The following STIM2 variants were observed in gnomAD, a reference collection of about 807,000 sequenced individuals.
STIM2 encodes stromal interaction molecule 2.
In STIM2, 31 loss-of-function variants were observed where a neutral mutation model predicts 85.8. That is an observed-to-expected ratio of 0.36 (90% CI 0.27 to 0.49). The LOEUF (loss-of-function observed/expected upper bound fraction) is 0.49. Ranked by LOEUF, STIM2 falls within the 20% of genes least tolerant of loss-of-function variation. The probability of loss-of-function intolerance (pLI) is 0.98; values close to 1 mark genes in which losing one functional copy is unlikely to be tolerated. For synonymous variants in STIM2, 356 were observed against 331.1 expected (o/e 1.08, Z -0.82); for missense variants, 841 against 927.6 (o/e 0.91, Z 1.21).
chr4:26,962,989 A>G (rs1726542533), intron 3 of STIM2, among the ~76,000 whole-genome samples: 2 of 152,174 alleles, frequency 1.3e-5, no homozygotes, highest in African/African-American at 2.4e-5. Flanking sequence ...TACAAATTGA[A>G]TAGACATTTG....
chr4:26,939,946 A>G (rs1171537366), intron 2 of STIM2, among the ~76,000 whole-genome samples: 2 of 152,200 alleles, frequency 1.3e-5, no homozygotes, highest in Admixed American at 6.5e-5. Context: ...ACGATGTCCT[A>G]GTAATACACA....
intron 2 of STIM2, among the ~76,000 whole-genome samples, chr4:26,952,832 T>C (rs115985137): frequency 0.013 from 2,006 of 152,244 alleles, 51 homozygotes; most frequent in African/African-American, 0.047. Flanking sequence ...TAGAATTCTT[T>C]AAAACTTACT....
At chr4:27,019,891 AT>A (rs1728856589) in intron 11 of STIM2, among the ~76,000 whole-genome samples, 1 of 152,252 alleles carries the variant, frequency 6.6e-6, no homozygotes, top group Non-Finnish European at 1.5e-5. Flanking sequence ...AGAAAATAAA[AT>A]TTGAACTTGT....
At chr4:26,978,847 A>G (rs1727287173) in intron 3 of STIM2, among the ~76,000 whole-genome samples, 1 of 152,092 alleles carries the variant, frequency 6.6e-6, no homozygotes, top group Non-Finnish European at 1.5e-5. Context: ...GTAGAAGAAA[A>G]CCTTGAAAGG....
chr4:26,915,427 G>GT (rs1356408725), intron 1 of STIM2, among the ~76,000 whole-genome samples: 12 of 152,022 alleles, frequency 7.9e-5, no homozygotes, highest in Non-Finnish European at 1.5e-4. Context: ...TAGGGATAGG[G>GT]TTTTGCCATG....
At chr4:26,910,629 C>T (rs1368701954) in intron 1 of STIM2, among the ~76,000 whole-genome samples, 6 of 152,112 alleles carry the variant, frequency 3.9e-5, no homozygotes, top group South Asian at 2.1e-4. Context: ...TACACCTACT[C>T]GCTTATTTAG....
intron 4 of STIM2, among the ~76,000 whole-genome samples, chr4:26,996,164 A>C (rs1727953846): frequency 6.6e-6 from 1 of 152,034 alleles, no homozygotes; most frequent in Non-Finnish European, 1.5e-5. Flanking sequence ...GTCTGAATCC[A>C]GTTGTTCTCT....
At chr4:27,018,903 T>C (rs771052686) in intron 11 of STIM2, among the ~76,000 whole-genome samples, 5 of 152,244 alleles carry the variant, frequency 3.3e-5, no homozygotes, top group Non-Finnish European at 7.3e-5. Context: ...TGCTAACACA[T>C]AAGCAGTATC....
At chr4:26,923,310 G>A (rs893294465) in intron 2 of STIM2, among the ~76,000 whole-genome samples, 1 of 151,452 alleles carries the variant, frequency 6.6e-6, no homozygotes, top group Non-Finnish European at 1.5e-5. Context: ...ACTCTAAAAC[G>A]CAGAGCGCCT....
At chr4:26,931,967 C>G (rs2109074990) in intron 2 of STIM2, among the ~76,000 whole-genome samples, 1 of 152,262 alleles carries the variant, frequency 6.6e-6, no homozygotes, top group East Asian at 1.9e-4. Context: ...ACTTCTTAAA[C>G]TTAAATTTAT....
chr4:26,907,877 A>G (rs1010005382), intron 1 of STIM2, among the ~76,000 whole-genome samples: 6 of 152,308 alleles, frequency 3.9e-5, no homozygotes, highest in South Asian at 2.1e-4. Flanking sequence ...TTCCCTTGCT[A>G]TGTGGCTGGC....
intron 2 of STIM2, among the ~76,000 whole-genome samples, chr4:26,928,712 C>G (rs1474881937): frequency 2.6e-5 from 4 of 151,984 alleles, no homozygotes; most frequent in Admixed American, 6.6e-5. Context: ...CACCACTCTG[C>G]AAAACAAATT....
intron 6 of STIM2, 148 bp from the exon 7 acceptor site, chr4:27,002,779 G>C: frequency 1.3e-6 from 1 of 759,124 alleles, no homozygotes; most frequent in East Asian, 3.3e-5. Flanking sequence ...CCTGATATTT[G>C]TATTAACCAA....
chr4:26,948,729 A>G (rs1725937605), intron 2 of STIM2, among the ~76,000 whole-genome samples: 1 of 152,144 alleles, frequency 6.6e-6, no homozygotes, highest in African/African-American at 2.4e-5. Flanking sequence ...TATTCTGGAA[A>G]TGCCTTCATT....
chr4:26,896,978 A>T (rs958057653), intron 1 of STIM2, among the ~76,000 whole-genome samples: 7 of 152,176 alleles, frequency 4.6e-5, no homozygotes, highest in African/African-American at 1.7e-4. Flanking sequence ...GGCCCTTTTC[A>T]TTCAGCATAA....
At chr4:26,917,801 A>G (rs772432435) in intron 1 of STIM2, among the ~76,000 whole-genome samples, 9 of 152,188 alleles carry the variant, frequency 5.9e-5, no homozygotes, top group Non-Finnish European at 1.3e-4. Context: ...TGTGTAAAAA[A>G]TAGGTCTGCT....
chr4:26,989,717 T>G (rs984824534), intron 3 of STIM2, among the ~76,000 whole-genome samples: 1 of 152,180 alleles, frequency 6.6e-6, no homozygotes, highest in Non-Finnish European at 1.5e-5. Context: ...TAGAAAAACC[T>G]AGACTTCACC....
At chr4:26,873,764 C>T (rs990838963) in intron 1 of STIM2, 17 of 879,710 alleles carry the variant, frequency 1.9e-5, no homozygotes, top group Non-Finnish European at 3.0e-5. Flanking sequence ...CTGTCAGACT[C>T]ACTGGGAGAG....
At chr4:26,904,971 G>A (rs1724069533) in intron 1 of STIM2, among the ~76,000 whole-genome samples, 2 of 152,174 alleles carry the variant, frequency 1.3e-5, no homozygotes, top group African/African-American at 4.8e-5. Flanking sequence ...CAGTTTGAAA[G>A]TGTAGACAGT....
Sources: allele counts gnomAD v4.1 joint callset (sites outside exome capture counted in the v4.1 genomes callset), GRCh38; gene constraint gnomAD v4.1.1; transcripts MANE v1.5; gene names NCBI Gene and HGNC (gene_info 2026-07-23, HGNC 2026-07-21).